Variants in CRYZL1 observed in about 807,000 individuals in gnomAD.
CRYZL1 encodes the protein crystallin zeta like 1.
CRYZL1 carries 34 observed loss-of-function variants against 50.6 expected under a neutral mutation model. The ratio of observed to expected loss-of-function variants is 0.67; its 90% CI spans 0.51 to 0.89. The LOEUF is 0.89. Ranked by LOEUF, CRYZL1 falls within the 40% of genes least tolerant of loss-of-function variation. The probability of loss-of-function intolerance (pLI) is 0.00; values close to 1 mark genes in which losing one functional copy is unlikely to be tolerated. For missense variants in CRYZL1, 354 were observed against 402.3 expected (o/e 0.88, Z 1.03); for synonymous variants, 125 against 134.3 (o/e 0.93, Z 0.48).
intron 4 of CRYZL1, 122 bp downstream of exon 4, chr21:33,621,874 C>T (rs879092685): frequency 1.7e-6 from 1 of 600,968 alleles, no homozygotes; most frequent in South Asian, 2.6e-5. Flanking sequence ...AGGACATGTT[C>T]ATATAATTAA....
chr21:33,595,964 C>CT, intron 10 of CRYZL1, 128 bp from the exon 11 acceptor site: 2 of 674,504 alleles, frequency 3.0e-6, no homozygotes, highest in Non-Finnish European at 5.4e-6. Context: ...TGCACATAAA[C>CT]TTTAATAACG....
At chr21:33,599,404 T>G in intron 8 of CRYZL1, 156 bp from the exon 9 acceptor site, 1 of 1,025,676 alleles carries the variant, frequency 9.7e-7, no homozygotes, top group East Asian at 2.7e-5. Flanking sequence ...AAAGTCAATT[T>G]AAATTATACT....
At chr21:33,595,514 C>G in intron 11 of CRYZL1, 1 of 1,268,508 alleles carries the variant, frequency 7.9e-7, no homozygotes, top group Non-Finnish European at 1.1e-6. Context: ...CATCTCTGTG[C>G]TTCTGTTTCT....
chr21:33,593,611 A>G (rs1052657779), intron 11 of CRYZL1, among the ~76,000 whole-genome samples: 5 of 152,182 alleles, frequency 3.3e-5, no homozygotes, highest in African/African-American at 4.8e-5. Flanking sequence ...TTGCCTTCTC[A>G]TCGGGAGAGG....
Position 33,595,729 on chromosome 21 carries a change from AT to A in CRYZL1, c.904+1del. On this transcript the variant is annotated splice_donor_variant, in intron 11 of 12. Coordinates refer to ENST00000381554, the MANE Select transcript of CRYZL1 (RefSeq NM_145858.3). LOFTEE classifies it high-confidence loss of function. ...AACTCAATCAGTCGATAAAAAGGAT[AT>A]AAAGATATTTTCCCTGTTGTACATT... 6.2e-7 allele frequency: 1 copy of A among 1,612,752 alleles called. No individual in the cohort carries two copies. Among genetic ancestry groups the A allele is most frequent in the Non-Finnish European group, 8.5e-7 (1 of 1,178,700 alleles).
At chr21:33,635,188 T>C (rs921279741) in intron 1 of CRYZL1, among the ~76,000 whole-genome samples, 19 of 151,988 alleles carry the variant, frequency 1.3e-4, no homozygotes, top group Non-Finnish European at 2.2e-4. Flanking sequence ...GCCCACATGG[T>C]TTCCTAGGCA....
intron 1 of CRYZL1, among the ~76,000 whole-genome samples, chr21:33,637,760 C>CATAT (rs10536195): frequency 0.079 from 10,412 of 131,390 alleles, 466 homozygotes; most frequent in Non-Finnish European, 0.099. Flanking sequence ...AAGAGAAAAA[C>CATAT]ATATATATAT....
intron 6 of CRYZL1, among the ~76,000 whole-genome samples, chr21:33,607,534 A>C (rs2086826003): frequency 6.6e-6 from 1 of 152,190 alleles, no homozygotes; most frequent in South Asian, 2.1e-4. Context: ...TGGGAGGCTG[A>C]GGTGGGAGGA....
At chr21:33,621,833 G>A (rs2087006135) in intron 4 of CRYZL1, among the ~76,000 whole-genome samples, 163 bp downstream of exon 4, 1 of 151,446 alleles carries the variant, frequency 6.6e-6, no homozygotes, top group Non-Finnish European at 1.5e-5. Context: ...GAGAGACCTT[G>A]TCTCTCAAAA....
chr21:33,593,850 T>C (rs1414534634), intron 11 of CRYZL1, among the ~76,000 whole-genome samples: 2 of 151,622 alleles, frequency 1.3e-5, no homozygotes, highest in African/African-American at 4.8e-5. Context: ...CCAGGCGTGG[T>C]GGCGCATGTC....
At position 33,599,220 on chromosome 21, in the gene CRYZL1, T is replaced by C; in HGVS notation, c.606A>G (p.Lys202=). 2 of 1,613,894 alleles carry C rather than the reference T, an allele frequency of 1.2e-6. No individual in the cohort carries two copies. Among genetic ancestry groups the C allele is most frequent in the Non-Finnish European group, 1.7e-6 (2 of 1,179,854 alleles). The change falls in exon 9 of 13, where the codon AAA becomes AAG. Residue 202 remains lysine (K), a synonymous_variant. Transcript: ENST00000381554. ...CCAAACAGCTTTCAGCAACATGAACTTTCCCATTAGATACATCAATCACTC... is the reference window on the plus strand; with the variant it reads ...CCAAACAGCTTTCAGCAACATGAACCTTCCCATTAGATACATCAATCACTC... The part of the protein sequence containing the change: ...IARVIDVSNG[K]VHVAESCLEE...
chr21:33,602,472 C>T (rs2086767102), intron 7 of CRYZL1, 127 bp from the exon 8 acceptor site: 2 of 444,004 alleles, frequency 4.5e-6, no homozygotes, highest in South Asian at 1.0e-4. Flanking sequence ...AAAATGTTAT[C>T]TAATAGGAAA....
At chr21:33,604,646 C>T (rs2086792670) in intron 6 of CRYZL1, among the ~76,000 whole-genome samples, 1 of 152,054 alleles carries the variant, frequency 6.6e-6, no homozygotes, top group African/African-American at 2.4e-5. Context: ...GTTTTTAAGG[C>T]ATCCATTCTG....
At chr21:33,613,974 C>G (rs1241086717) in intron 5 of CRYZL1, among the ~76,000 whole-genome samples, 1 of 151,946 alleles carries the variant, frequency 6.6e-6, no homozygotes, top group Non-Finnish European at 1.5e-5. Context: ...AGTTTGAGAC[C>G]AGCCTGGCCA....
chr21:33,626,586 A>T (rs2087066601), intron 2 of CRYZL1, among the ~76,000 whole-genome samples: 1 of 151,874 alleles, frequency 6.6e-6, no homozygotes, highest in South Asian at 2.1e-4. Flanking sequence ...AGTCCCAGGT[A>T]CTTGGGAGGC....
intron 3 of CRYZL1, 28 bp from the exon 4 acceptor site, chr21:33,622,096 A>G (rs1443598729): frequency 1.3e-6 from 2 of 1,568,066 alleles, no homozygotes; most frequent in Non-Finnish European, 1.8e-6. Flanking sequence ...CAGTTAACAT[A>G]CTATTGTCAG....
At chr21:33,596,237 T>C (rs2086691769) in intron 10 of CRYZL1, 1 of 443,764 alleles carries the variant, frequency 2.3e-6, no homozygotes, top group Non-Finnish European at 4.6e-6. Context: ...TAAACATATA[T>C]AGTAATTCCA....
intron 5 of CRYZL1, among the ~76,000 whole-genome samples, chr21:33,614,497 G>A (rs2086906255): frequency 6.6e-6 from 1 of 152,100 alleles, no homozygotes; most frequent in African/African-American, 2.4e-5. Flanking sequence ...CTCAAACTAA[G>A]AAACAAATAA....
chr21:33,599,203 C>T lies in CRYZL1; in HGVS notation c.623G>A (p.Ser208Asn). The change falls in exon 9 of 13, where the codon AGC becomes AAC. Residue 208 changes from serine (S) to asparagine (N), a missense_variant. By Grantham distance (46) the Ser-to-Asn change is conservative. Transcript: ENST00000381554. ...CAGGCCACCTGTTTCTTCCAAACAG[C>T]TTTCAGCAACATGAACTTTCCCATT... The part of the protein sequence containing the change: ...VSNGKVHVAE[S>N]CLEETGGLGV... 6.2e-7 allele frequency: 1 copy of T among 1,614,014 alleles called. No individual in the cohort carries two copies. The highest frequency in any genetic ancestry group is 8.5e-7 in the Non-Finnish European group (1 of 1,179,928).
Sources: gnomAD v4.1 joint callset for allele counts (sites outside exome capture counted in the v4.1 genomes callset) on GRCh38, gnomAD v4.1.1 for gene constraint, MANE v1.5 for transcripts, NCBI Gene and HGNC (gene_info 2026-07-23, HGNC 2026-07-21) for gene names.